The following SAMD12 variants were observed in gnomAD, a reference collection of about 807,000 sequenced individuals.
SAMD12 encodes the protein sterile alpha motif domain containing 12, also known as sterile alpha motif domain-containing protein 12.
In SAMD12, 9 loss-of-function variants were observed where a neutral mutation model predicts 15.0. The observed-to-expected ratio is 0.60, with a 90% CI of 0.36 to 1.05. The LOEUF is 1.05. SAMD12 is among the 50% of genes least tolerant of loss of function. The probability of loss-of-function intolerance (pLI) is 0.01; values close to 1 mark genes in which losing one functional copy is unlikely to be tolerated. For synonymous variants in SAMD12, 86 were observed against 90.1 expected (o/e 0.96, Z 0.25); for missense variants, 230 against 234.2 (o/e 0.98, Z 0.12).
At chr8:118,577,009 C>T (rs1827168844) in intron 2 of SAMD12, among the ~76,000 whole-genome samples, 1 of 152,176 alleles carries the variant, frequency 6.6e-6, no homozygotes, top group South Asian at 2.1e-4. Flanking sequence ...GTAACTATAG[C>T]TGTGGCGTGG....
chr8:118,478,918 C>G (rs1824043448), intron 2 of SAMD12, among the ~76,000 whole-genome samples: 1 of 152,188 alleles, frequency 6.6e-6, no homozygotes, highest in Non-Finnish European at 1.5e-5. Flanking sequence ...TACTCAAGGC[C>G]AGTGTCAGAA....
chr8:118,507,789 T>C (rs112545591), intron 2 of SAMD12, among the ~76,000 whole-genome samples: 3,583 of 151,838 alleles, frequency 0.024, 114 homozygotes, highest in African/African-American at 0.076. Flanking sequence ...CTATGAAGAG[T>C]GATGCCGACT....
chr8:118,582,894 A>C (rs1481509839), intron 1 of SAMD12, among the ~76,000 whole-genome samples: 3 of 151,536 alleles, frequency 2.0e-5, no homozygotes. Flanking sequence ...TAGTTTCATC[A>C]AGCACTGTGC....
intron 4 of SAMD12, among the ~76,000 whole-genome samples, chr8:118,367,346 T>G (rs1487126298): frequency 6.6e-6 from 1 of 152,232 alleles, no homozygotes; most frequent in Non-Finnish European, 1.5e-5. Context: ...CTAAATCAAC[T>G]GACTCTCTAA....
chr8:118,582,805 T>G (rs1221863041), intron 1 of SAMD12, among the ~76,000 whole-genome samples: 1 of 152,190 alleles, frequency 6.6e-6, no homozygotes, highest in East Asian at 1.9e-4. Context: ...CTAGATTAAA[T>G]GGTATGGAAA....
At chr8:118,606,577 A>T (rs1443599009) in intron 1 of SAMD12, among the ~76,000 whole-genome samples, 1 of 148,456 alleles carries the variant, frequency 6.7e-6, no homozygotes, top group Non-Finnish European at 1.5e-5. Flanking sequence ...GTTTCAATTT[A>T]AAAAAAAAAG....
intron 4 of SAMD12, among the ~76,000 whole-genome samples, chr8:118,245,673 A>G (rs916638447): frequency 2.0e-5 from 3 of 152,134 alleles, no homozygotes; most frequent in Admixed American, 2.0e-4. Context: ...AAAGATACAT[A>G]GTAGCTGCCT....
At chr8:118,214,808 T>C (rs965199886) in intron 4 of SAMD12, among the ~76,000 whole-genome samples, 11 of 152,200 alleles carry the variant, frequency 7.2e-5, no homozygotes, top group African/African-American at 2.4e-4. Flanking sequence ...AAGCTCTTGT[T>C]TCCTACAGAA....
chr8:118,395,017 T>C (rs1820484013), intron 3 of SAMD12: 1 of 152,154 alleles, frequency 6.6e-6, no homozygotes, highest in East Asian at 1.9e-4. Flanking sequence ...CTGCTTTAAG[T>C]CTCCGTTTTC....
chr8:118,243,409 A>G (rs1812616891), intron 4 of SAMD12, among the ~76,000 whole-genome samples: 2 of 152,028 alleles, frequency 1.3e-5, no homozygotes, highest in Non-Finnish European at 2.9e-5. Flanking sequence ...TGCTAACTCA[A>G]CTCTGTGCAC....
chr8:118,404,662 G>A (rs765182216), intron 3 of SAMD12, among the ~76,000 whole-genome samples: 77 of 152,092 alleles, frequency 5.1e-4, no homozygotes, highest in Non-Finnish European at 7.6e-4. Context: ...CAGATTTCAC[G>A]GGCCAGAATT....
chr8:118,158,655 C>T, the SAMD12 span, among the ~76,000 whole-genome samples: 3 of 152,238 alleles, frequency 2.0e-5, no homozygotes, highest in Non-Finnish European at 4.4e-5. Context: ...GCTGGGTCTC[C>T]AGTTCTGTGG....
At chr8:118,349,781 C>T (rs867769794) in intron 4 of SAMD12, among the ~76,000 whole-genome samples, 15 of 152,324 alleles carry the variant, frequency 9.8e-5, no homozygotes, top group South Asian at 6.2e-4. Context: ...CCTGAGTCCT[C>T]AGAGACTCAG....
chr8:118,377,411 C>T (rs1819443731), downstream of SAMD12, among the ~76,000 whole-genome samples: 1 of 151,902 alleles, frequency 6.6e-6, no homozygotes, highest in Admixed American at 6.6e-5. Flanking sequence ...AAAACCAAAA[C>T]CAAAACCAAA....
At chr8:118,149,918 G>A in the SAMD12 span, among the ~76,000 whole-genome samples, 1 of 152,034 alleles carries the variant, frequency 6.6e-6, no homozygotes, top group Non-Finnish European at 1.5e-5. Context: ...ACTCTATTCT[G>A]TAATACTGAT....
chr8:118,244,180 A>G (rs895577843), intron 4 of SAMD12, among the ~76,000 whole-genome samples: 1 of 152,148 alleles, frequency 6.6e-6, no homozygotes, highest in Non-Finnish European at 1.5e-5. Flanking sequence ...CTGCGCATAT[A>G]TAAAGGTGCT....
At chr8:118,241,874 C>T (rs912443859) in intron 4 of SAMD12, among the ~76,000 whole-genome samples, 1 of 152,142 alleles carries the variant, frequency 6.6e-6, no homozygotes, top group African/African-American at 2.4e-5. Flanking sequence ...CTCCAACACA[C>T]AAAACAAAAC....
intron 4 of SAMD12, among the ~76,000 whole-genome samples, chr8:118,286,202 G>T (rs893579499): frequency 6.6e-6 from 1 of 151,510 alleles, no homozygotes; most frequent in Non-Finnish European, 1.5e-5. Context: ...AGCATTAGGA[G>T]ATATACCTAA....
Position 118,546,998 on chromosome 8 carries a change from C to A in SAMD12, c.192+33717G>T, listed in dbSNP as rs1826148140. On this transcript the variant is annotated intron_variant, in intron 2 of 3. Coordinates refer to ENST00000314727, the MANE Select transcript of SAMD12 (RefSeq NM_207506.3). ...TCTTTCTTAAAAGAAGGACAAAAGC[C>A]ATACTGAAAAAGAATGTTTACAGAA... Among the ~76,000 whole-genome samples, 3 of 152,244 alleles carry A rather than the reference C, an allele frequency of 2.0e-5. No homozygotes were observed. The South Asian group carries it at 6.2e-4, about 32-fold the overall frequency.
Sources: gnomAD v4.1 joint callset for allele counts (sites outside exome capture counted in the v4.1 genomes callset) on GRCh38, gnomAD v4.1.1 for gene constraint, MANE v1.5 for transcripts, NCBI Gene and HGNC (gene_info 2026-07-23, HGNC 2026-07-21) for gene names.